Variants in EPC2 observed in about 807,000 individuals in gnomAD.
EPC2 encodes the protein enhancer of polycomb 2.
Under a neutral mutation model 92.1 loss-of-function variants are expected in EPC2, and 14 were observed. The observed-to-expected ratio is 0.15, with a 90% CI of 0.10 to 0.24. The LOEUF is 0.24. Ranked by LOEUF, EPC2 falls within the 10% of genes least tolerant of loss-of-function variation. EPC2 has a pLI of 1.00. For synonymous variants in EPC2, 340 were observed against 334.7 expected, an observed-to-expected ratio of 1.02 and a Z score of -0.17; for missense variants, 755 against 971.5, an observed-to-expected ratio of 0.78 and a Z score of 2.96.
At chr2:148,773,665 C>T (rs1333239174) in intron 10 of EPC2, among the ~76,000 whole-genome samples, 1 of 151,824 alleles carries the variant, frequency 6.6e-6, no homozygotes, top group African/African-American at 2.4e-5. Context: ...ATAGGCATGG[C>T]AATATAAATA....
chr2:148,712,460 G>T (rs1333801706), intron 2 of EPC2, among the ~76,000 whole-genome samples: 1 of 152,148 alleles, frequency 6.6e-6, no homozygotes, highest in Non-Finnish European at 1.5e-5. Context: ...TTTGATCAAT[G>T]ATGAACCACA....
rs539515090 is a variant in EPC2 at position 148,668,533 on chromosome 2, A to G, written c.154-21681A>G. Among the ~76,000 whole-genome samples, 10 of 152,252 alleles carry G rather than the reference A, an allele frequency of 6.6e-5. No homozygotes were observed. The South Asian group carries it at 1.9e-3, about 28-fold the overall frequency. ...GAGTTGGTATTGTTTTTCTCCTTAA[A>G]TATTTGGTAAAATTCACCAGTGAAA... On this transcript the variant is annotated intron_variant, in intron 1 of 13. Coordinates refer to ENST00000258484, the MANE Select transcript of EPC2 (RefSeq NM_015630.4).
chr2:148,648,195 A>C (rs1239617338), intron 1 of EPC2, among the ~76,000 whole-genome samples: 1 of 152,188 alleles, frequency 6.6e-6, no homozygotes, highest in East Asian at 1.9e-4. Flanking sequence ...TATAGTCTGA[A>C]ATCTTTTGCT....
intron 2 of EPC2, among the ~76,000 whole-genome samples, chr2:148,722,830 A>G (rs1362196580): frequency 6.6e-6 from 1 of 152,224 alleles, no homozygotes; most frequent in African/African-American, 2.4e-5. Context: ...CACGATACAT[A>G]TATACATAGT....
chr2:148,645,274 C>A, intron 1 of EPC2, 104 bp downstream of exon 1: 1 of 1,043,226 alleles, frequency 9.6e-7, no homozygotes, highest in Middle Eastern at 3.1e-4. Context: ...TGGAGGGCGC[C>A]GCTGCCGCTC....
At chr2:148,685,267 T>C (rs4972388) in intron 1 of EPC2, among the ~76,000 whole-genome samples, 21,178 of 151,978 alleles carry the variant, frequency 0.14, 2,423 homozygotes, top group East Asian at 0.46. Flanking sequence ...TTTTCTTTAT[T>C]GTTCGTACTT....
chr2:148,656,162 C>A (rs1006733964), intron 1 of EPC2, among the ~76,000 whole-genome samples: 1 of 152,010 alleles, frequency 6.6e-6, no homozygotes, highest in Non-Finnish European at 1.5e-5. Context: ...TCTAGAGTTA[C>A]AAGGTCAGGC....
At chr2:148,721,397 A>C (rs1254383627) in intron 2 of EPC2, among the ~76,000 whole-genome samples, 1 of 151,894 alleles carries the variant, frequency 6.6e-6, no homozygotes, top group Non-Finnish European at 1.5e-5. Context: ...ATTTCTGAGG[A>C]ATATCTGATG....
chr2:148,734,899 C>T (rs1647418145), intron 2 of EPC2, among the ~76,000 whole-genome samples: 2 of 149,630 alleles, frequency 1.3e-5, no homozygotes, highest in African/African-American at 4.9e-5. Context: ...AGTATAATTT[C>T]ATGTTCTACA....
At chr2:148,726,746 T>A (rs1558821609) in intron 2 of EPC2, among the ~76,000 whole-genome samples, 1 of 149,008 alleles carries the variant, frequency 6.7e-6, no homozygotes, top group Non-Finnish European at 1.5e-5. Flanking sequence ...TTTTGGGTTT[T>A]TTTTTTGTTT....
chr2:148,766,668 T>C (rs947511981), intron 7 of EPC2, among the ~76,000 whole-genome samples: 1 of 152,200 alleles, frequency 6.6e-6, no homozygotes, highest in Non-Finnish European at 1.5e-5. Flanking sequence ...TTCGCATTGC[T>C]GGAGCACAAA....
intron 1 of EPC2, among the ~76,000 whole-genome samples, chr2:148,648,460 T>C (rs997626675): frequency 6.6e-6 from 1 of 152,256 alleles, no homozygotes; most frequent in African/African-American, 2.4e-5. Flanking sequence ...ACTTTCAATA[T>C]CTAGATGTCC....
intron 4 of EPC2, among the ~76,000 whole-genome samples, chr2:148,758,691 C>T (rs986116244): frequency 2.0e-5 from 3 of 152,076 alleles, no homozygotes; most frequent in African/African-American, 7.2e-5. Context: ...CTACTGTGCC[C>T]GGCCTAACAT....
At chr2:148,762,014 CA>C in intron 5 of EPC2, 84 bp downstream of exon 5, 1 of 1,160,584 alleles carries the variant, frequency 8.6e-7, no homozygotes, top group Non-Finnish European at 1.2e-6. Flanking sequence ...TAGGGGGGAA[CA>C]GGTTAAGCTT....
chr2:148,785,463 G>T (rs561466886), intron 13 of EPC2, among the ~76,000 whole-genome samples: 67 of 152,232 alleles, frequency 4.4e-4, no homozygotes, highest in African/African-American at 1.6e-3. Context: ...AAGTAGCTGG[G>T]ATTATAGGCA....
intron 2 of EPC2, among the ~76,000 whole-genome samples, chr2:148,732,946 C>CTT (rs147569199): frequency 0.024 from 2,044 of 83,696 alleles, 179 homozygotes; most frequent in Middle Eastern, 0.036. Flanking sequence ...GTGAATAGCT[C>CTT]TTTTTTTTTT....
chr2:148,688,392 A>G (rs1681572616), intron 1 of EPC2, among the ~76,000 whole-genome samples: 1 of 151,790 alleles, frequency 6.6e-6, no homozygotes, highest in South Asian at 2.1e-4. Flanking sequence ...GGGGAACATC[A>G]CACACACCAG....
Position 148,775,006 on chromosome 2 carries a change from G to T in EPC2, c.1720+3619G>T, listed in dbSNP as rs189755803. On this transcript the variant is annotated intron_variant, in intron 10 of 13. Transcript: ENST00000258484. ...GGGGAGGTTGAGGCAGGAGAATGGC[G>T]TGAACCCGGGAGGCGGAGCTTGCAG... Among the ~76,000 whole-genome samples the T allele has an allele frequency of 7.1e-3, 1,069 of 151,150 alleles. 5 individuals are homozygous for T. Among genetic ancestry groups the T allele is most frequent in the African/African-American group, 0.024 (1,004 of 41,196 alleles).
At chr2:148,726,430 G>A (rs993616107) in intron 2 of EPC2, among the ~76,000 whole-genome samples, 1 of 152,114 alleles carries the variant, frequency 6.6e-6, no homozygotes, top group African/African-American at 2.4e-5. Flanking sequence ...CTTACCAGCA[G>A]TGCACAGTTT....
Sources: allele counts gnomAD v4.1 joint callset (sites outside exome capture counted in the v4.1 genomes callset), GRCh38; gene constraint gnomAD v4.1.1; transcripts MANE v1.5; gene names NCBI Gene and HGNC (gene_info 2026-07-23, HGNC 2026-07-21).